Variants in CCNT2 observed in about 807,000 individuals in gnomAD.
CCNT2 encodes the protein cyclin-T2.
In CCNT2, 18 loss-of-function variants were observed where a neutral mutation model predicts 70.0. That is an observed-to-expected ratio of 0.26 (90% CI 0.18 to 0.38). The LOEUF (loss-of-function observed/expected upper bound fraction) is 0.38. Among genes scored for constraint, CCNT2 ranks in the 10% least tolerant of loss-of-function variants. The pLI is 1.00. For synonymous variants in CCNT2, 334 were observed against 313.3 expected (o/e 1.07, Z -0.70); for missense variants, 734 against 890.2 (o/e 0.82, Z 2.23).
chr2:134,920,013 G>C, intron 2 of CCNT2, 122 bp downstream of exon 2: 1 of 609,594 alleles, frequency 1.6e-6, no homozygotes, highest in Non-Finnish European at 2.8e-6. Flanking sequence ...CGTATATCAC[G>C]TGATAAATAT....
chr2:134,947,710 C>T (rs763429934), intron 6 of CCNT2, 26 bp from the exon 7 acceptor site: 1 of 1,399,096 alleles, frequency 7.1e-7, no homozygotes, highest in Non-Finnish European at 9.4e-7. Context: ...TTATGGCTCT[C>T]CATTTTCAAA....
At chr2:134,929,104 A>G (rs1387938698) in intron 2 of CCNT2, among the ~76,000 whole-genome samples, 4 of 144,382 alleles carry the variant, frequency 2.8e-5, no homozygotes, top group East Asian at 2.1e-4. Flanking sequence ...AAAAAATAAT[A>G]TAATTGCATA....
chr2:134,925,494 G>A (rs1680226005), intron 2 of CCNT2, among the ~76,000 whole-genome samples: 1 of 152,020 alleles, frequency 6.6e-6, no homozygotes, highest in Non-Finnish European at 1.5e-5. Flanking sequence ...CCTATTAATA[G>A]ACATTTCATT....
In CCNT2 at chr2:134,955,748, A is replaced by T. The variant is rs989752992; in HGVS notation, c.*1100A>T. ...GATGCCATATTTCTTTTTCAGGTAAATGTAGTCTTCCTTATAAAAATGAAA... is the reference window on the plus strand; with the variant it reads ...GATGCCATATTTCTTTTTCAGGTAATTGTAGTCTTCCTTATAAAAATGAAA... On this transcript the variant is annotated 3_prime_UTR_variant, in exon 9 of 9. Transcript: ENST00000264157. 8.5e-5 allele frequency: 13 copies of T among 152,554 alleles called. No individual in the cohort carries two copies. Among genetic ancestry groups the T allele is most frequent in the African/African-American group, 2.9e-4 (12 of 41,420 alleles). The allele number at this position is 152,554 out of a possible 1,614,324, so 9.5% of individuals were successfully genotyped here. A position where few individuals can be genotyped will look rare whatever the true frequency, so the allele number is the denominator to read the frequency against.
In CCNT2 at chr2:134,954,695, T is replaced by C. The variant is rs368199418; in HGVS notation, c.*47T>C. ...TCCTTTACTTTTTTAATTTAAAAAT[T>C]GTTAGAATGGAAAAATTCCTTCTGA... On this transcript the variant is annotated 3_prime_UTR_variant, in exon 9 of 9. Transcript: ENST00000264157. 5 of 1,321,170 alleles carry C rather than the reference T, an allele frequency of 3.8e-6. No homozygotes were observed. Among genetic ancestry groups the C allele is most frequent in the Non-Finnish European group, 5.4e-6 (5 of 934,548 alleles). 81.8% of individuals were successfully genotyped at this position (1,321,170 alleles called of 1,614,324 possible).
At chr2:134,920,740 G>A (rs1336278771) in intron 2 of CCNT2, among the ~76,000 whole-genome samples, 1 of 152,210 alleles carries the variant, frequency 6.6e-6, no homozygotes, top group South Asian at 2.1e-4. Context: ...TATTCTGAAA[G>A]GTATGTGTAG....
At chr2:134,940,390 A>G (rs1384087642) in intron 4 of CCNT2, among the ~76,000 whole-genome samples, 1 of 151,976 alleles carries the variant, frequency 6.6e-6, no homozygotes, top group African/African-American at 2.4e-5. Context: ...CATAAACTAT[A>G]TATAGATATT....
intron 5 of CCNT2, chr2:134,945,498 C>T (rs901832136): frequency 5.6e-5 from 55 of 985,232 alleles, no homozygotes; most frequent in Non-Finnish European, 6.4e-5. Flanking sequence ...CTAAGTTAGT[C>T]TTTAATTAGA....
chr2:134,918,916 C>T lies in CCNT2; in HGVS notation c.62C>T (p.Thr21Met). The T allele has an allele frequency of 1.2e-6, 2 of 1,614,006 alleles. No homozygotes were observed. The highest frequency in any genetic ancestry group is 8.5e-7 in the Non-Finnish European group (1 of 1,179,922). The change falls in exon 1 of 9, where the codon ACG becomes ATG. Residue 21 changes from threonine (T) to methionine (M), a missense_variant. By Grantham distance (81) the Thr-to-Met change is moderately conservative. Coordinates refer to ENST00000264157, the MANE Select transcript of CCNT2 (RefSeq NM_058241.3). ...TTTACTCGGGAACAGCTGGAGAACA[C>T]GCCGAGCCGCCGCTGCGGAGTGGAG... The part of the protein sequence containing the change: ...WFFTREQLEN[T>M]PSRRCGVEAD...
chr2:134,939,127 A>G, intron 4 of CCNT2, 65 bp downstream of exon 4: 3 of 1,084,052 alleles, frequency 2.8e-6, no homozygotes, highest in Middle Eastern at 2.1e-4. Context: ...AAATAAGTGA[A>G]AAGATTTCTG....
intron 2 of CCNT2, among the ~76,000 whole-genome samples, chr2:134,929,564 C>T (rs1018480065): frequency 6.9e-6 from 1 of 145,774 alleles, no homozygotes; most frequent in Non-Finnish European, 1.5e-5. Context: ...GCCACGTTCA[C>T]GCCACTGCAC....
At chr2:134,931,088 A>G (rs1381932407) in intron 2 of CCNT2, among the ~76,000 whole-genome samples, 1 of 150,876 alleles carries the variant, frequency 6.6e-6, no homozygotes, top group Admixed American at 6.6e-5. Context: ...TCAGCCTCCC[A>G]AGTAGCTGGG....
chr2:134,921,624 G>T (rs569461507), intron 2 of CCNT2, among the ~76,000 whole-genome samples: 172 of 152,306 alleles, frequency 1.1e-3, no homozygotes, highest in African/African-American at 3.5e-3. Context: ...AAAGTGCTGG[G>T]ATTACAGGCA....
chr2:134,944,350 G>A lies in CCNT2; in HGVS notation c.493+1676G>A, dbSNP rs548470171. Reference sequence around the variant, plus strand: ...GCCTATTGAAGAAACATTAGTTGAAGGAAGTACTAGTATATGTTTAAAAAT... The same window carrying A: ...GCCTATTGAAGAAACATTAGTTGAAAGAAGTACTAGTATATGTTTAAAAAT... On this transcript the variant is annotated intron_variant, in intron 5 of 8. Transcript: ENST00000264157. The A allele has an allele frequency of 2.3e-5, 22 of 962,542 alleles. No individual in the cohort carries two copies. In the African/African-American group the frequency reaches 3.9e-4, roughly 17 times the overall value. 59.6% of individuals were successfully genotyped at this position (962,542 alleles called of 1,614,324 possible). A position where few individuals can be genotyped will look rare whatever the true frequency, so the allele number is the denominator to read the frequency against.
intron 4 of CCNT2, among the ~76,000 whole-genome samples, chr2:134,939,845 A>G (rs2105056429): frequency 6.6e-6 from 1 of 152,302 alleles, no homozygotes; most frequent in Admixed American, 6.5e-5. Context: ...TTTGTATGCA[A>G]GTTCATTTAC....
rs1445225976 is a variant in CCNT2 at position 134,957,517 on chromosome 2, T to C, written c.*2869T>C. 6.6e-6 allele frequency: 1 copy of C among 152,200 alleles called. No homozygotes were observed. The highest frequency in any genetic ancestry group is 2.4e-5 in the African/African-American group (1 of 41,460). 9.4% of individuals were successfully genotyped at this position (152,200 alleles called of 1,614,324 possible). A position where few individuals can be genotyped will look rare whatever the true frequency, so the allele number is the denominator to read the frequency against. On this transcript the variant is annotated 3_prime_UTR_variant, in exon 9 of 9. Coordinates refer to ENST00000264157, the MANE Select transcript of CCNT2 (RefSeq NM_058241.3). ...TTATTTCTACCTCTTCCATTCAGTT[T>C]TCCAATATTGAGCTGTGTCCCTCTG...
chr2:134,953,592 C>G lies in CCNT2; in HGVS notation c.1137C>G (p.Ile379Met). 3 of 1,614,026 alleles carry G rather than the reference C, an allele frequency of 1.9e-6. No individual in the cohort carries two copies. The highest frequency in any genetic ancestry group is 2.5e-6 in the Non-Finnish European group (3 of 1,179,910). ...CTTTGTCTGGTAGCCAGTACAACAT[C>G]AACTTCCAGCAGGGACCTTCTATAT... ...ETSLSGSQYN[I>M]NFQQGPSISL... Residue 379 changes from isoleucine to methionine, a missense_variant, in exon 9 of 9, where the codon ATC (isoleucine) becomes ATG (methionine). By Grantham distance (10) the Ile-to-Met change is conservative (BLOSUM62 1). Transcript: ENST00000264157.
chr2:134,927,574 T>C (rs1441203088), intron 2 of CCNT2, among the ~76,000 whole-genome samples: 1 of 152,198 alleles, frequency 6.6e-6, no homozygotes, highest in Non-Finnish European at 1.5e-5. Context: ...AGTGTTTGCA[T>C]TGGCCAAGGC....
intron 5 of CCNT2, chr2:134,944,139 C>G: frequency 1.0e-6 from 1 of 983,882 alleles, no homozygotes; most frequent in Non-Finnish European, 1.2e-6. Context: ...TCCTGTTCTT[C>G]ATGGTTATAT....
Sources: allele counts gnomAD v4.1 joint callset (sites outside exome capture counted in the v4.1 genomes callset), GRCh38; gene constraint gnomAD v4.1.1; transcripts MANE v1.5; gene names NCBI Gene and HGNC (gene_info 2026-07-23, HGNC 2026-07-21).